PRRC2C: variants seen among roughly 807,000 people sequenced by gnomAD.
PRRC2C encodes protein PRRC2C.
Under a neutral mutation model 317.2 loss-of-function variants are expected in PRRC2C, and 72 were observed. The ratio of observed to expected loss-of-function variants is 0.23; its 90% CI spans 0.19 to 0.28. The LOEUF (loss-of-function observed/expected upper bound fraction) is 0.28. Ranked by LOEUF, PRRC2C falls within the 10% of genes least tolerant of loss-of-function variation. PRRC2C has a pLI of 1.00. For missense variants in PRRC2C, 3,074 were observed against 3,459.7 expected (o/e 0.89, Z 2.80); for synonymous variants, 1,296 against 1,205.9 (o/e 1.07, Z -1.55).
intron 16 of PRRC2C, among the ~76,000 whole-genome samples, chr1:171,543,068 G>GT (rs538588566): frequency 1.5e-3 from 220 of 149,598 alleles, no homozygotes; most frequent in Middle Eastern, 3.4e-3. Flanking sequence ...TGCTTGGCCT[G>GT]TTTTTTTAAC....
intron 17 of PRRC2C, among the ~76,000 whole-genome samples, chr1:171,549,630 C>T (rs1222647073): frequency 1.3e-5 from 2 of 152,162 alleles, no homozygotes; most frequent in Non-Finnish European, 1.5e-5. Context: ...GGCACGGTCT[C>T]AGCTCATTGC....
chr1:171,512,320 C>T (rs779816081), intron 2 of PRRC2C, 120 bp downstream of exon 2: 10 of 713,090 alleles, frequency 1.4e-5, no homozygotes, highest in Admixed American at 4.2e-5. Context: ...TTTACATTTG[C>T]GTTTTTATGC....
intron 25 of PRRC2C, 37 bp downstream of exon 25, chr1:171,575,165 C>T (rs1685480878): frequency 6.6e-7 from 1 of 1,518,842 alleles, no homozygotes; most frequent in South Asian, 1.2e-5. Flanking sequence ...AAATATCTTA[C>T]ATTATTTAAA....
intron 10 of PRRC2C, among the ~76,000 whole-genome samples, 176 bp downstream of exon 10, chr1:171,525,141 G>A (rs141161306): frequency 5.3e-5 from 8 of 152,066 alleles, no homozygotes; most frequent in South Asian, 2.1e-4. Flanking sequence ...GCATTTAACC[G>A]GAATTATCAA....
Position 171,523,445 on chromosome 1 carries a change from G to C in PRRC2C, c.978G>C (p.Met326Ile). ...EADEGWAGAQ[M>I]EVDYTEQLNF... is the part of the protein sequence containing the mutation. ...TCCTTAATTTAATAGGTGCTCAGAT[G>C]GAAGTAGATTATACAGAGCAACTGA... is the stretch of plus-strand genomic sequence containing the variant. Residue 326 changes from methionine to isoleucine, a missense_variant, in exon 9 of 35, where the codon ATG becomes ATC. Met to Ile is a conservative substitution (Grantham distance 10, BLOSUM62 1). Around this residue, in one of 11 missense-constraint regions of PRRC2C, gnomAD observed 50 missense variants for 88.3 expected, o/e 0.57. Coordinates refer to ENST00000647382, the MANE Select transcript of PRRC2C (RefSeq NM_001387844.1). 2 of 1,613,200 alleles carry C rather than the reference G, an allele frequency of 1.2e-6. No homozygotes were observed. The highest frequency in any genetic ancestry group is 1.7e-6 in the Non-Finnish European group (2 of 1,179,664).
chr1:171,586,923 A>G (rs777695651), intron 30 of PRRC2C, 80 bp from the exon 31 acceptor site: 1 of 1,064,640 alleles, frequency 9.4e-7, no homozygotes, highest in Non-Finnish European at 1.4e-6. Flanking sequence ...AAAGTATTTG[A>G]AGAGTTGTGT....
At chr1:171,588,966 A>G (rs143865985) in intron 33 of PRRC2C, among the ~76,000 whole-genome samples, 149 of 152,340 alleles carry the variant, frequency 9.8e-4, no homozygotes, top group African/African-American at 3.4e-3. Flanking sequence ...ACTCTCACAA[A>G]CTAGAACTGG....
At position 171,577,585 on chromosome 1, in the gene PRRC2C, T is replaced by C. The variant is rs771807255; in HGVS notation, c.7107T>C (p.Leu2369=). 1.9e-6 allele frequency: 3 copies of C among 1,613,748 alleles called. No individual in the cohort carries two copies. Among genetic ancestry groups the C allele is most frequent in the African/African-American group, 2.7e-5 (2 of 74,894 alleles). Residue 2369 remains leucine (L), a synonymous_variant, in exon 26 of 35, where the codon CTT becomes CTC. Coordinates refer to ENST00000647382, the MANE Select transcript of PRRC2C (RefSeq NM_001387844.1). Reference sequence around the variant, plus strand: ...CACAGTTAAGCTGTATGCCTTCCCTTATTGCCCAGCAGCAACAGAATCCGC... The same window carrying C: ...CACAGTTAAGCTGTATGCCTTCCCTCATTGCCCAGCAGCAACAGAATCCGC... ...HFSQLSCMPS[L]IAQQQQNPQV... is the part of the protein sequence containing the mutation.
At position 171,568,245 on chromosome 1, in the gene PRRC2C, A is replaced by G; in HGVS notation, c.6559-2A>G. ...TATTTTTTTTCTATTACTACTTCAC[A>G]GGAGTCTGTAACAGACTATACTACA... On this transcript the variant is annotated splice_acceptor_variant, in intron 22 of 34. Coordinates refer to ENST00000647382, the MANE Select transcript of PRRC2C (RefSeq NM_001387844.1). LOFTEE classifies it high-confidence loss of function. 1 of 1,601,288 alleles carries G rather than the reference A, an allele frequency of 6.2e-7. No homozygotes were observed. The highest frequency in any genetic ancestry group is 8.5e-7 in the Non-Finnish European group (1 of 1,173,510).
At chr1:171,547,466 T>C (rs1364739779) in intron 17 of PRRC2C, among the ~76,000 whole-genome samples, 3 of 152,156 alleles carry the variant, frequency 2.0e-5, no homozygotes, top group Admixed American at 1.3e-4. Context: ...TCTGAAGTAA[T>C]GTGTGCATGA....
chr1:171,514,360 T>A (rs565353165), intron 3 of PRRC2C, among the ~76,000 whole-genome samples, 176 bp from the exon 4 acceptor site: 1 of 152,092 alleles, frequency 6.6e-6, no homozygotes, highest in Non-Finnish European at 1.5e-5. Context: ...TGAAAGACGA[T>A]AAAAATAGCC....
intron 18 of PRRC2C, among the ~76,000 whole-genome samples, chr1:171,552,497 A>G (rs960326250): frequency 7.2e-5 from 11 of 152,204 alleles, no homozygotes; most frequent in Non-Finnish European, 1.3e-4. Flanking sequence ...TTCCAACACT[A>G]TGCTGAATAG....
Position 171,517,816 on chromosome 1 carries a change from T to A in PRRC2C, c.750+2T>A. 1 of 1,606,216 alleles carries A rather than the reference T, an allele frequency of 6.2e-7. No homozygotes were observed. The highest frequency in any genetic ancestry group is 8.5e-7 in the Non-Finnish European group (1 of 1,174,936). ...TATAGAGCTATGATGCCTCCTTATG[T>A]GAGTATTGTTAAATGAACAAGCATT... On this transcript the variant is annotated splice_donor_variant, in intron 6 of 34. Transcript: ENST00000647382. LOFTEE classifies it high-confidence loss of function.
At chr1:171,578,506 C>G (rs1234962062) in intron 26 of PRRC2C, among the ~76,000 whole-genome samples, 1 of 152,122 alleles carries the variant, frequency 6.6e-6, no homozygotes, top group Non-Finnish European at 1.5e-5. Flanking sequence ...TGCACTCCAG[C>G]CTGGCGGAGT....
Position 171,540,916 on chromosome 1 carries a change from A to G in PRRC2C, c.3450A>G (p.Ile1150Met), listed in dbSNP as rs149417027. The G allele has an allele frequency of 3.2e-3, 5,157 of 1,613,904 alleles. 14 individuals carry two copies. Among genetic ancestry groups the G allele is most frequent in the Non-Finnish European group, 3.7e-3 (4,318 of 1,179,832 alleles). ...PEKVISKDLV[I>M]ERPRPDSRPA... Reference sequence around the variant, plus strand: ...AAGTCATCAGCAAAGACCTTGTTATAGAGAGGCCTCGACCAGATTCAAGAC... The same window carrying G: ...AAGTCATCAGCAAAGACCTTGTTATGGAGAGGCCTCGACCAGATTCAAGAC... The change falls in exon 16 of 35, where the codon ATA becomes ATG. Residue 1150 changes from isoleucine to methionine, a missense_variant. Coordinates refer to ENST00000647382, the MANE Select transcript of PRRC2C (RefSeq NM_001387844.1).
rs1253586841 is a variant in PRRC2C at position 171,485,533 on chromosome 1, A to C, written c.-260A>C. 6.6e-6 allele frequency: 1 copy of C among 152,608 alleles called. No individual in the cohort carries two copies. The highest frequency in any genetic ancestry group is 1.5e-5 in the Non-Finnish European group (1 of 68,054). 9.5% of individuals were successfully genotyped at this position (152,608 alleles called of 1,614,324 possible). ...AGTACGTAGGGGCTGGCTAGCCGCC[A>C]TCTTGCTTCTTTTTCTCGCTCGCTC... On this transcript the variant is annotated 5_prime_UTR_variant, in exon 1 of 35. Transcript: ENST00000647382.
intron 10 of PRRC2C, among the ~76,000 whole-genome samples, chr1:171,525,265 A>G (rs956470792): frequency 8.5e-5 from 13 of 152,112 alleles, no homozygotes; most frequent in South Asian, 4.1e-4. Flanking sequence ...TAAAATAAAC[A>G]TTGCTGAAGT....
At chr1:171,519,448 T>C (rs1025608236) in intron 6 of PRRC2C, among the ~76,000 whole-genome samples, 7 of 152,360 alleles carry the variant, frequency 4.6e-5, no homozygotes, top group South Asian at 4.1e-4. Flanking sequence ...TTCTATCTCC[T>C]GTTTCCTTTG....
intron 34 of PRRC2C, chr1:171,591,160 T>C (rs1384707610): frequency 1.0e-6 from 1 of 989,412 alleles, no homozygotes; most frequent in Non-Finnish European, 1.2e-6. Flanking sequence ...AGAAGAGAGC[T>C]GTGGGAAGAG....
Sources: gnomAD v4.1 joint callset for allele counts (sites outside exome capture counted in the v4.1 genomes callset) on GRCh38, gnomAD v4.1.1 for gene constraint, gnomAD v4.1.1 regional missense constraint, MANE v1.5 for transcripts, NCBI Gene and HGNC (gene_info 2026-07-23, HGNC 2026-07-21) for gene names.